Variants in A1CF observed in about 807,000 individuals in gnomAD.
A1CF encodes APOBEC-1 stimulating protein.
In A1CF, 48 loss-of-function variants were observed where a neutral mutation model predicts 68.9. The ratio of observed to expected loss-of-function variants is 0.70; its 90% CI spans 0.55 to 0.89. A1CF has a LOEUF of 0.89. A1CF is among the 40% of genes least tolerant of loss of function. The pLI, the probability that A1CF is intolerant of heterozygous loss-of-function variation, is 0.00. For missense variants in A1CF, 653 were observed against 718.9 expected (o/e 0.91, Z 1.05); for synonymous variants, 272 against 260.4 (o/e 1.04, Z -0.43).
chr10:50,804,420 T>C lies in A1CF; in HGVS notation c.*2309A>G, dbSNP rs1837732906. Reference sequence around the variant, plus strand: ...ATTTGCATTGACAAGACATCCAGAATACCCTTTGCTGTTTATTTGCAAAGA... The same window carrying C: ...ATTTGCATTGACAAGACATCCAGAACACCCTTTGCTGTTTATTTGCAAAGA... On this transcript the variant is annotated 3_prime_UTR_variant, in exon 13 of 13. Coordinates refer to ENST00000373997, the MANE Select transcript of A1CF (RefSeq NM_014576.4). The C allele has an allele frequency of 6.6e-6, 1 of 152,192 alleles. No homozygotes were observed. Among genetic ancestry groups the C allele is most frequent in the Admixed American group, 6.5e-5 (1 of 15,280 alleles). 9.4% of individuals were successfully genotyped at this position (152,192 alleles called of 1,614,324 possible).
chr10:50,820,444 G>T, intron 8 of A1CF, 108 bp downstream of exon 8: 1 of 834,032 alleles, frequency 1.2e-6, no homozygotes, highest in Non-Finnish European at 1.8e-6. Flanking sequence ...AGGCAGCCAT[G>T]TCAGAGAAGG....
intron 4 of A1CF, among the ~76,000 whole-genome samples, chr10:50,843,158 A>G (rs964402339): frequency 1.3e-5 from 2 of 152,178 alleles, no homozygotes; most frequent in Non-Finnish European, 2.9e-5. Context: ...ATGAACACCT[A>G]TTTCTTCTGG....
chr10:50,822,407 A>T (rs1838719170), intron 7 of A1CF, among the ~76,000 whole-genome samples: 1 of 152,162 alleles, frequency 6.6e-6, no homozygotes, highest in Admixed American at 6.5e-5. Context: ...GCCAGGGAAA[A>T]GAAGAGGGGG....
intron 7 of A1CF, among the ~76,000 whole-genome samples, 180 bp from the exon 8 acceptor site, chr10:50,820,829 T>C (rs1156326057): frequency 6.6e-6 from 1 of 152,204 alleles, no homozygotes; most frequent in Non-Finnish European, 1.5e-5. Context: ...AAATAAAATT[T>C]ATATTCTGAC....
At position 50,841,932 on chromosome 10, in the gene A1CF, C is replaced by G; in HGVS notation, c.295G>C (p.Ala99Pro). ...MDFNGNNRGY[A>P]FVTFSNKVEA... The stretch of plus-strand genomic sequence containing the variant: ...ACTTTATTTGAAAATGTTACAAATG[C>G]ATATCCTCTATTGTTGCCATTAAAA... The change falls in exon 5 of 13, where the codon GCA (alanine) becomes CCA (proline). Residue 99 changes from alanine to proline, a missense_variant. Ala to Pro is a conservative substitution (Grantham distance 27). Transcript: ENST00000373997. 6.2e-7 allele frequency: 1 copy of G among 1,611,646 alleles called. No individual in the cohort carries two copies. Among genetic ancestry groups the G allele is most frequent in the Non-Finnish European group, 8.5e-7 (1 of 1,178,212 alleles).
intron 1 of A1CF, among the ~76,000 whole-genome samples, chr10:50,870,588 A>G (rs1278632512): frequency 6.6e-6 from 1 of 151,888 alleles, no homozygotes; most frequent in African/African-American, 2.4e-5. Context: ...AGGATAAGTT[A>G]AAAATTTGAA....
rs1299673867 is a variant in A1CF, at chr10:50,803,697, C to T, written c.*3032G>A. On this transcript the variant is annotated 3_prime_UTR_variant, in exon 13 of 13. Transcript: ENST00000373997. ...GCAACATTAGGCTGATTTTAATTAT[C>T]AATAAGCTATTAATTACCAAAATTT... 2.6e-5 allele frequency: 4 copies of T among 152,122 alleles called. No individual in the cohort carries two copies. The East Asian group carries it at 7.7e-4, about 29-fold the overall frequency. 9.4% of individuals were successfully genotyped at this position (152,122 alleles called of 1,614,324 possible). A position where few individuals can be genotyped will look rare whatever the true frequency, so the allele number is the denominator to read the frequency against.
chr10:50,802,719 C>G lies in A1CF; in HGVS notation c.*4010G>C, dbSNP rs1345622647. 1 of 152,086 alleles carries G rather than the reference C, an allele frequency of 6.6e-6. No homozygotes were observed. Among genetic ancestry groups the G allele is most frequent in the Non-Finnish European group, 1.5e-5 (1 of 68,016 alleles). The allele number at this position is 152,086 out of a possible 1,614,324, so 9.4% of individuals were successfully genotyped here. A position where few individuals can be genotyped will look rare whatever the true frequency, so the allele number is the denominator to read the frequency against. ...TTCAATAATAATATACTTTATCAAA[C>G]TTCATAGGTTAGAATGCAATGAAAA... is the stretch of plus-strand genomic sequence containing the variant. On this transcript the variant is annotated 3_prime_UTR_variant, in exon 13 of 13. Transcript: ENST00000373997.
At chr10:50,809,862 A>G (rs1300979589) in intron 12 of A1CF, 32 bp downstream of exon 12, 11 of 1,612,972 alleles carry the variant, frequency 6.8e-6, no homozygotes, top group South Asian at 1.1e-5. Context: ...TACTCTCTGC[A>G]GGGCGCCATT....
intron 1 of A1CF, among the ~76,000 whole-genome samples, chr10:50,878,036 C>T (rs1022965547): frequency 5.9e-5 from 9 of 152,124 alleles, no homozygotes; most frequent in African/African-American, 1.4e-4. Flanking sequence ...GCAGGAGAAT[C>T]GCTTGAACCC....
At chr10:50,866,588 T>G (rs560140638) in intron 1 of A1CF, among the ~76,000 whole-genome samples, 1 of 152,298 alleles carries the variant, frequency 6.6e-6, no homozygotes, top group Admixed American at 6.5e-5. Context: ...ACACAGGCAG[T>G]GTAGTACATT....
At chr10:50,869,000 G>C (rs1841128605) in intron 1 of A1CF, among the ~76,000 whole-genome samples, 1 of 152,168 alleles carries the variant, frequency 6.6e-6, no homozygotes, top group Non-Finnish European at 1.5e-5. Context: ...TGCAGGGTGG[G>C]AGGAAGGAGA....
In A1CF at chr10:50,836,289, C is replaced by G. The variant is rs1256542782; in HGVS notation, c.389G>C (p.Cys130Ser). The G allele has an allele frequency of 1.2e-6, 2 of 1,613,708 alleles. No individual in the cohort carries two copies. The highest frequency in any genetic ancestry group is 1.7e-6 in the Non-Finnish European group (2 of 1,179,836). Residue 130 changes from cysteine (C) to serine (S), a missense_variant, in exon 6 of 13, where the codon TGT becomes TCT. Physicochemically the swap from Cys to Ser is moderately radical, Grantham distance 112. Coordinates refer to ENST00000373997, the MANE Select transcript of A1CF (RefSeq NM_014576.4). ...TAATCGGCAGTTGTCCACACTGGCA[C>G]AAACCCCTAAGAGGCGCCCATTTCT... ...EIRNGRLLGVCASVDNCRLFV... is the reference protein window; with the variant it reads ...EIRNGRLLGVSASVDNCRLFV...
At chr10:50,871,660 T>C (rs1841272096) in intron 1 of A1CF, among the ~76,000 whole-genome samples, 1 of 152,060 alleles carries the variant, frequency 6.6e-6, no homozygotes, top group Non-Finnish European at 1.5e-5. Flanking sequence ...GACCCATAGT[T>C]TTGTTTATAC....
At chr10:50,812,897 G>A (rs1223439426) in intron 10 of A1CF, among the ~76,000 whole-genome samples, 2 of 152,080 alleles carry the variant, frequency 1.3e-5, no homozygotes, top group Non-Finnish European at 2.9e-5. Context: ...CCCTGGGTGG[G>A]GCTAGCAGAA....
At chr10:50,856,237 A>G (rs970866753) in intron 3 of A1CF, among the ~76,000 whole-genome samples, 1 of 152,108 alleles carries the variant, frequency 6.6e-6, no homozygotes, top group Admixed American at 6.6e-5. Context: ...TAAAGATCAT[A>G]CAACTCATAT....
At chr10:50,819,295 T>C (rs1838524761) in intron 8 of A1CF, among the ~76,000 whole-genome samples, 1 of 152,126 alleles carries the variant, frequency 6.6e-6, no homozygotes, top group Non-Finnish European at 1.5e-5. Flanking sequence ...CATGCTCGGC[T>C]AATTTTTTGT....
chr10:50,836,278 C>G lies in A1CF; in HGVS notation c.400G>C (p.Asp134His). The G allele has an allele frequency of 1.9e-6, 3 of 1,613,882 alleles. No individual in the cohort carries two copies. The highest frequency in any genetic ancestry group is 2.7e-5 in the African/African-American group (2 of 75,016). Reference protein sequence around the residue: ...GRLLGVCASVDNCRLFVGGIP... With the variant: ...GRLLGVCASVHNCRLFVGGIP... The stretch of plus-strand genomic sequence containing the variant: ...CCCCCAACAAATAATCGGCAGTTGT[C>G]CACACTGGCACAAACCCCTAAGAGG... The change falls in exon 6 of 13, where the codon GAC (aspartate) becomes CAC (histidine). Residue 134 changes from aspartate to histidine, a missense_variant. Transcript: ENST00000373997.
chr10:50,838,531 T>A (rs1275496874), intron 5 of A1CF, among the ~76,000 whole-genome samples: 1 of 152,102 alleles, frequency 6.6e-6, no homozygotes, highest in East Asian at 1.9e-4. Flanking sequence ...TTTTAAATGG[T>A]TGTGGTTTGT....
Sources: gnomAD v4.1 joint callset for allele counts (sites outside exome capture counted in the v4.1 genomes callset) on GRCh38, gnomAD v4.1.1 for gene constraint, MANE v1.5 for transcripts, NCBI Gene and HGNC (gene_info 2026-07-23, HGNC 2026-07-21) for gene names.